C8orf34: variants seen among roughly 807,000 people sequenced by gnomAD.
C8orf34 encodes the protein uncharacterized protein C8orf34.
C8orf34 carries 65 observed loss-of-function variants against 68.3 expected under a neutral mutation model. The ratio of observed to expected loss-of-function variants is 0.95; its 90% confidence interval spans 0.78 to 1.17. C8orf34 has a LOEUF of 1.17. Among genes scored for constraint, C8orf34 ranks in the 50% most tolerant of loss-of-function variants. C8orf34 has a pLI of 0.00. For missense variants in C8orf34, 664 were observed against 655.4 expected (o/e 1.01, Z -0.14); for synonymous variants, 244 against 241.2 (o/e 1.01, Z -0.11).
At chr8:68,457,592 A>G (rs1483407094) in intron 3 of C8orf34, among the ~76,000 whole-genome samples, 2 of 152,214 alleles carry the variant, frequency 1.3e-5, no homozygotes, top group African/African-American at 2.4e-5. Flanking sequence ...TGGAGGTCAT[A>G]TTGAATTAGA....
At chr8:68,674,214 A>G (rs965103486) in intron 8 of C8orf34, among the ~76,000 whole-genome samples, 2 of 152,294 alleles carry the variant, frequency 1.3e-5, no homozygotes, top group South Asian at 2.1e-4. Context: ...ATTACAATAA[A>G]TATCTAATTC....
chr8:68,384,738 T>A (rs537307239), intron 1 of C8orf34, among the ~76,000 whole-genome samples: 1 of 152,204 alleles, frequency 6.6e-6, no homozygotes, highest in Non-Finnish European at 1.5e-5. Flanking sequence ...GCTTAACTGT[T>A]ATCTCCACTC....
chr8:68,341,588 T>C lies in C8orf34; in HGVS notation c.327+10249T>C, dbSNP rs375279913. ...TGGGGCCTGGTGGGAAGTGTTTGGG[T>C]CCTGGTGGCAGATCCCTCATGGCTT... is the stretch of plus-strand genomic sequence containing the variant. On this transcript the variant is annotated intron_variant, in intron 1 of 13. Coordinates refer to ENST00000518698, the MANE Select transcript of C8orf34 (RefSeq NM_052958.4). Among the ~76,000 whole-genome samples, 22 of 152,206 alleles carry C rather than the reference T, an allele frequency of 1.4e-4. 1 individual carries two copies. The East Asian group carries it at 3.5e-3, about 24-fold the overall frequency.
chr8:68,340,958 A>C (rs1409857754), intron 1 of C8orf34, among the ~76,000 whole-genome samples: 1 of 152,258 alleles, frequency 6.6e-6, no homozygotes, highest in Non-Finnish European at 1.5e-5. Flanking sequence ...CTTATGCACT[A>C]TGACCAAGTC....
At chr8:68,585,123 G>A (rs1204973031) in intron 7 of C8orf34, among the ~76,000 whole-genome samples, 2 of 152,090 alleles carry the variant, frequency 1.3e-5, no homozygotes, top group African/African-American at 4.8e-5. Context: ...CTCAGCACTG[G>A]GCAGTCTGAG....
intron 7 of C8orf34, among the ~76,000 whole-genome samples, chr8:68,635,987 A>G (rs879735186): frequency 1.3e-5 from 2 of 152,198 alleles, no homozygotes; most frequent in African/African-American, 2.4e-5. Context: ...AGCCACTATC[A>G]CTTGCATTTA....
At chr8:68,427,889 TAA>T (rs1243420316) in intron 1 of C8orf34, among the ~76,000 whole-genome samples, 1 of 150,180 alleles carries the variant, frequency 6.7e-6, no homozygotes, top group South Asian at 2.1e-4. Flanking sequence ...TAAAAATTTC[TAA>T]GTTTTTTTAT....
chr8:68,640,606 A>G lies in C8orf34; in HGVS notation c.1241+95A>G, dbSNP rs1044192303. On this transcript the variant is annotated intron_variant, in intron 8 of 13. Coordinates refer to ENST00000518698, the MANE Select transcript of C8orf34 (RefSeq NM_052958.4). ...AAGATTGTACTCTTCTGTGTTAAGA[A>G]CATCTTTTCCTTCCAGCGATCTTTT... is the stretch of plus-strand genomic sequence containing the variant. The G allele has an allele frequency of 8.0e-6, 10 of 1,251,370 alleles. No homozygotes were observed. In the Admixed American group the frequency reaches 2.0e-4, roughly 25 times the overall value. 77.5% of individuals were successfully genotyped at this position (1,251,370 alleles called of 1,614,324 possible).
chr8:68,348,152 A>C (rs1309675450), intron 1 of C8orf34, among the ~76,000 whole-genome samples: 1 of 152,090 alleles, frequency 6.6e-6, no homozygotes, highest in Non-Finnish European at 1.5e-5. Context: ...GATGTAAGGC[A>C]GGAGTCCATC....
chr8:68,347,193 T>C (rs566314225), intron 1 of C8orf34, among the ~76,000 whole-genome samples: 2 of 152,116 alleles, frequency 1.3e-5, no homozygotes, highest in Non-Finnish European at 2.9e-5. Flanking sequence ...AGCTCCCACT[T>C]ATAGATGAGA....
In C8orf34 at chr8:68,369,048, T is replaced by C. The variant is rs148203962; in HGVS notation, c.327+37709T>C. Reference sequence around the variant, plus strand: ...GCGCTTTGCCTCTAGCTGACACTTTTTCTAGTTTATATGCTGTTATTCATT... The same window carrying C: ...GCGCTTTGCCTCTAGCTGACACTTTCTCTAGTTTATATGCTGTTATTCATT... On this transcript the variant is annotated intron_variant, in intron 1 of 13. Transcript: ENST00000518698. Among the ~76,000 whole-genome samples, 912 of 152,348 alleles carry C rather than the reference T, an allele frequency of 6.0e-3. 3 individuals are homozygous for C. Among genetic ancestry groups the C allele is most frequent in the Non-Finnish European group, 0.01 (700 of 68,036 alleles).
At chr8:68,744,043 G>A (rs1325172227) in intron 10 of C8orf34, among the ~76,000 whole-genome samples, 2 of 152,128 alleles carry the variant, frequency 1.3e-5, no homozygotes, top group East Asian at 1.9e-4. Flanking sequence ...ATCTGAGAAC[G>A]GGCAGACTGC....
At chr8:68,624,229 G>A (rs1005482682) in intron 7 of C8orf34, among the ~76,000 whole-genome samples, 17 of 148,400 alleles carry the variant, frequency 1.1e-4, no homozygotes, top group African/African-American at 3.3e-4. Flanking sequence ...CCGAGATCAC[G>A]CCATTGCACT....
rs116349662 is a variant in C8orf34 at position 68,453,554 on chromosome 8, T to C, written c.607+7094T>C. Among the ~76,000 whole-genome samples, 1,021 of 152,132 alleles carry C rather than the reference T, an allele frequency of 6.7e-3. 15 individuals carry two copies. Among genetic ancestry groups the C allele is most frequent in the African/African-American group, 0.023 (944 of 41,568 alleles). ...ATGCTATCGTAAATGGAATTGTTTC[T>C]TATTTTCATTTTTAGATTGTCATTG... is the stretch of plus-strand genomic sequence containing the variant. On this transcript the variant is annotated intron_variant, in intron 3 of 13. Transcript: ENST00000518698.
chr8:68,723,202 G>A (rs1385419152), intron 10 of C8orf34, among the ~76,000 whole-genome samples: 1 of 151,970 alleles, frequency 6.6e-6, no homozygotes, highest in African/African-American at 2.4e-5. Flanking sequence ...ACAAACATTG[G>A]TCCTAGTTTT....
chr8:68,587,122 C>G (rs913582901), intron 7 of C8orf34, among the ~76,000 whole-genome samples: 3 of 152,050 alleles, frequency 2.0e-5, no homozygotes, highest in South Asian at 2.1e-4. Context: ...TTAGTCACAT[C>G]TCTTTTTCTC....
In C8orf34 at chr8:68,331,311, A is replaced by T. The variant is rs763659923; in HGVS notation, c.299A>T (p.Glu100Val). ...HPQTRIQAYL[E>V]KNKIGPLFEE... ...CAAACCCGGATCCAGGCTTACCTGG[A>T]GAAGAACAAGATCGGTCCCCTGTTT... The change falls in exon 1 of 14, where the codon GAG becomes GTG. Residue 100 changes from glutamate (E) to valine (V), a missense_variant. Glu to Val is a moderately radical substitution (Grantham distance 121). Transcript: ENST00000518698. 10 of 1,536,456 alleles carry T rather than the reference A, an allele frequency of 6.5e-6. No homozygotes were observed. Among genetic ancestry groups the T allele is most frequent in the Non-Finnish European group, 8.7e-6 (10 of 1,146,982 alleles).
chr8:68,336,165 C>T (rs770455681), intron 1 of C8orf34, among the ~76,000 whole-genome samples: 2 of 151,120 alleles, frequency 1.3e-5, no homozygotes, highest in African/African-American at 4.9e-5. Flanking sequence ...TATGAGACTA[C>T]AAAAATAACA....
Position 68,813,566 on chromosome 8 carries a change from T to G in C8orf34, c.1550-2320T>G, listed in dbSNP as rs140985668. On this transcript the variant is annotated intron_variant, in intron 12 of 13. Transcript: ENST00000518698. ...AATAATACTTTACATGCTTTTTTTT[T>G]GGTCTTATTTGAAATGGTTTCCTCC... Among the ~76,000 whole-genome samples, 313 of 152,248 alleles carry G rather than the reference T, an allele frequency of 2.1e-3. 5 individuals carry two copies. The East Asian group carries it at 0.054, about 26-fold the overall frequency.
Sources: gnomAD v4.1 joint callset for allele counts (sites outside exome capture counted in the v4.1 genomes callset) on GRCh38, gnomAD v4.1.1 for gene constraint, MANE v1.5 for transcripts, NCBI Gene and HGNC (gene_info 2026-07-23, HGNC 2026-07-21) for gene names.